The following UHRF2 variants were observed in gnomAD, a reference collection of about 807,000 sequenced individuals.
UHRF2 encodes E3 ubiquitin-protein ligase UHRF2.
A neutral mutation model predicts 96.8 loss-of-function variants in UHRF2; 23 were observed. That is an observed-to-expected ratio of 0.24 (90% confidence interval 0.17 to 0.34). UHRF2 has a LOEUF of 0.34. Among genes scored for constraint, UHRF2 ranks in the 10% least tolerant of loss-of-function variants. The probability of loss-of-function intolerance (pLI) is 1.00; values close to 1 mark genes in which losing one functional copy is unlikely to be tolerated. For synonymous variants in UHRF2, 385 were observed against 332.6 expected, an observed-to-expected ratio of 1.16 and a Z score of -1.72; for missense variants, 685 against 981.5, an observed-to-expected ratio of 0.70 and a Z score of 4.04.
In UHRF2 at chr9:6,460,603, T is replaced by C; in HGVS notation, c.675T>C (p.Asn225=). The change falls in exon 4 of 16, where the codon AAT becomes AAC. Residue 225 remains asparagine, a synonymous_variant. Transcript: ENST00000276893. ...CAGAAAGCGGTACTCTAGAAATGAA[T>C]GTCAAGGATCTTAGACCACGAGCTA... ...EYPESGTLEM[N]VKDLRPRART... is the part of the protein sequence containing the mutation. 6.2e-7 allele frequency: 1 copy of C among 1,609,270 alleles called. No individual in the cohort carries two copies. Among genetic ancestry groups the C allele is most frequent in the Admixed American group, 1.7e-5 (1 of 59,968 alleles).
In UHRF2 at chr9:6,506,544, A is replaced by G. The variant is rs1371276159; in HGVS notation, c.*365A>G. On this transcript the variant is annotated 3_prime_UTR_variant, in exon 16 of 16. Transcript: ENST00000276893. The stretch of plus-strand genomic sequence containing the variant: ...AAATTTTAGCTACACACTGCCTCCC[A>G]AATATTAGTTGTGCCTGGTTCTTGT... The G allele has an allele frequency of 1.2e-5, 2 of 163,158 alleles. No individual in the cohort carries two copies. The highest frequency in any genetic ancestry group is 1.8e-4 in the East Asian group (1 of 5,600). The allele number at this position is 163,158 out of a possible 1,614,324, so 10.1% of individuals were successfully genotyped here.
intron 15 of UHRF2, among the ~76,000 whole-genome samples, chr9:6,505,519 A>G (rs1444900855): frequency 6.6e-6 from 1 of 152,178 alleles, no homozygotes; most frequent in Non-Finnish European, 1.5e-5. Context: ...TTAGTCTTGA[A>G]TGCCTGACCT....
rs1300957255 is a variant in UHRF2, at chr9:6,494,129, A to T, written c.1604+197A>T. Reference sequence around the variant, plus strand: ...TATACTGTTATTTTTTAAATGCCATAATTTCTAGTCTTACTGAATACATGT... The same window carrying T: ...TATACTGTTATTTTTTAAATGCCATTATTTCTAGTCTTACTGAATACATGT... On this transcript the variant is annotated intron_variant, in intron 10 of 15. Transcript: ENST00000276893. The T allele has an allele frequency of 1.2e-5, 6 of 516,216 alleles. No individual in the cohort carries two copies. In the Admixed American group the frequency reaches 1.4e-4, roughly 12 times the overall value. The allele number at this position is 516,216 out of a possible 1,614,324, so 32.0% of individuals were successfully genotyped here.
At chr9:6,438,267 C>G (rs540223037) in intron 3 of UHRF2, among the ~76,000 whole-genome samples, 1 of 152,296 alleles carries the variant, frequency 6.6e-6, no homozygotes, top group East Asian at 1.9e-4. Context: ...AGCCAGTAAA[C>G]TAGCATTGGC....
At chr9:6,475,552 C>T (rs1215925418) in intron 5 of UHRF2, 52 bp downstream of exon 5, 2 of 1,095,632 alleles carry the variant, frequency 1.8e-6, no homozygotes, top group Non-Finnish European at 1.3e-6. Context: ...CATGATTGAA[C>T]TTTATTTTTA....
At chr9:6,484,772 T>C (rs1272603906) in intron 8 of UHRF2, 2 of 149,042 alleles carry the variant, frequency 1.3e-5, no homozygotes, top group East Asian at 2.0e-4. Context: ...CTTTTAGTTG[T>C]ATTCACTTCT....
chr9:6,451,940 G>C (rs1326811581), intron 3 of UHRF2, among the ~76,000 whole-genome samples: 1 of 151,868 alleles, frequency 6.6e-6, no homozygotes, highest in Non-Finnish European at 1.5e-5. Flanking sequence ...ATGTTAGTTT[G>C]GTTTACGCTT....
At chr9:6,429,075 G>C (rs181402024) in intron 2 of UHRF2, among the ~76,000 whole-genome samples, 2 of 152,112 alleles carry the variant, frequency 1.3e-5, no homozygotes, top group East Asian at 3.9e-4. Context: ...TGAAGCAGGA[G>C]AATTGCTTGT....
intron 14 of UHRF2, among the ~76,000 whole-genome samples, chr9:6,502,635 G>A (rs1046087784): frequency 2.0e-5 from 3 of 152,186 alleles, no homozygotes; most frequent in Admixed American, 2.0e-4. Context: ...TTACTCTGCT[G>A]TAGGAACGTA....
At position 6,463,079 on chromosome 9, in the gene UHRF2, C is replaced by G. The variant is rs143037654; in HGVS notation, c.863+2288C>G. Among the ~76,000 whole-genome samples the G allele has an allele frequency of 6.4e-3, 979 of 152,160 alleles. 15 individuals are homozygous for G. Among genetic ancestry groups the G allele is most frequent in the African/African-American group, 0.022 (899 of 41,494 alleles). On this transcript the variant is annotated intron_variant, in intron 4 of 15. Transcript: ENST00000276893. ...GGTGGATCACCTGAGGTCAGGAGAT[C>G]GAGACCAGTCTGACCAACTAGTGAA...
At chr9:6,442,505 G>T (rs1001936505) in intron 3 of UHRF2, among the ~76,000 whole-genome samples, 63 of 150,694 alleles carry the variant, frequency 4.2e-4, no homozygotes, top group Admixed American at 4.0e-3. Flanking sequence ...TTGAGACAGG[G>T]TCTTGTTCCA....
intron 14 of UHRF2, among the ~76,000 whole-genome samples, chr9:6,502,308 C>T (rs961487941): frequency 1.2e-4 from 18 of 152,076 alleles, no homozygotes; most frequent in Non-Finnish European, 2.1e-4. Context: ...GTCTTGATAC[C>T]CCTGGGCCTT....
chr9:6,467,791 T>C (rs981030095), intron 4 of UHRF2, among the ~76,000 whole-genome samples: 5 of 152,112 alleles, frequency 3.3e-5, no homozygotes, highest in African/African-American at 7.2e-5. Context: ...GTAGCATGAA[T>C]TCAGGCCTCT....
chr9:6,421,798 C>G (rs1819946053), intron 2 of UHRF2, among the ~76,000 whole-genome samples: 1 of 152,098 alleles, frequency 6.6e-6, no homozygotes, highest in South Asian at 2.1e-4. Flanking sequence ...ACTGCTTATT[C>G]TTTTATACTC....
intron 4 of UHRF2, among the ~76,000 whole-genome samples, chr9:6,461,476 A>G (rs1422527416): frequency 1.3e-5 from 2 of 149,630 alleles, no homozygotes; most frequent in East Asian, 3.9e-4. Context: ...GGGTTCATGC[A>G]GTTCTCCTGC....
chr9:6,445,458 A>C lies in UHRF2; in HGVS notation c.644+11285A>C, dbSNP rs538225263. Among the ~76,000 whole-genome samples, 145 of 152,206 alleles carry C rather than the reference A, an allele frequency of 9.5e-4. 1 individual carries two copies. Among genetic ancestry groups the C allele is most frequent in the Non-Finnish European group, 4.1e-4 (28 of 68,004 alleles). On this transcript the variant is annotated intron_variant, in intron 3 of 15. Transcript: ENST00000276893. Reference sequence around the variant, plus strand: ...GTACTTTTAGTAGAGATGGGATCTCACCATGTTGGCCAGGCTGGTCTAGAA... The same window carrying C: ...GTACTTTTAGTAGAGATGGGATCTCCCCATGTTGGCCAGGCTGGTCTAGAA...
intron 1 of UHRF2, chr9:6,415,017 G>C (rs1311954664): frequency 6.6e-6 from 1 of 152,088 alleles, no homozygotes; most frequent in East Asian, 1.9e-4. Context: ...GTTTCCTTTT[G>C]ATCACAAGTG....
chr9:6,435,680 C>T (rs1015870771), intron 3 of UHRF2, among the ~76,000 whole-genome samples: 2 of 152,176 alleles, frequency 1.3e-5, no homozygotes, highest in Non-Finnish European at 2.9e-5. Flanking sequence ...GATCTTGGCT[C>T]ACTGCAACCT....
chr9:6,426,518 T>G (rs1038803353), intron 2 of UHRF2, among the ~76,000 whole-genome samples: 2 of 152,224 alleles, frequency 1.3e-5, no homozygotes, highest in Admixed American at 6.5e-5. Context: ...ATTTACTTTT[T>G]GGGGGATGAA....
Sources: gnomAD v4.1 joint callset for allele counts (sites outside exome capture counted in the v4.1 genomes callset) on GRCh38, gnomAD v4.1.1 for gene constraint, MANE v1.5 for transcripts, NCBI Gene and HGNC (gene_info 2026-07-23, HGNC 2026-07-21) for gene names.